The following HDAC3 variants were observed in gnomAD, a reference collection of about 807,000 sequenced individuals.
HDAC3 encodes the protein histone deacetylase 3.
In HDAC3, 21 loss-of-function variants were observed where a neutral mutation model predicts 62.3. The ratio of observed to expected loss-of-function variants is 0.34; its 90% CI spans 0.24 to 0.49. HDAC3 has a LOEUF of 0.49. HDAC3 is among the 20% of genes least tolerant of loss of function. The pLI is 0.99. For synonymous variants in HDAC3, 198 were observed against 206.5 expected (o/e 0.96, Z 0.35); for missense variants, 270 against 556.9 (o/e 0.48, Z 5.19).
In HDAC3 at chr5:141,629,827, G is replaced by A; in HGVS notation, c.420+33C>T. 6.2e-7 allele frequency: 1 copy of A among 1,613,272 alleles called. No homozygotes were observed. The highest frequency in any genetic ancestry group is 8.5e-7 in the Non-Finnish European group (1 of 1,179,274). On this transcript the variant is annotated intron_variant, in intron 5 of 14. Coordinates refer to ENST00000305264, the MANE Select transcript of HDAC3 (RefSeq NM_003883.4). The surrounding 1 kb of genome is among the most constrained non-coding windows in gnomAD (Gnocchi z 5.3). ...TCATCCTAAACACCTACCCTAGGAT[G>A]GCCACTGTCTTTCCCATCACCTCCT...
chr5:141,626,311 G>A lies in HDAC3; in HGVS notation c.831-28C>T, dbSNP rs1208127462. The A allele has an allele frequency of 3.2e-6, 5 of 1,572,838 alleles. No homozygotes were observed. Among genetic ancestry groups the A allele is most frequent in the Non-Finnish European group, 4.4e-6 (5 of 1,143,104 alleles). On this transcript the variant is annotated intron_variant, in intron 10 of 14. Transcript: ENST00000305264. This position sits in a 1 kb window ranked among gnomAD's most constrained non-coding sequence, Gnocchi z 4.6. ...GTTAAAAGGAACCAGAGGAAGATGT[G>A]GAGGAGGTTATCAAAAGACAAGGTA...
At position 141,625,078 on chromosome 5, in the gene HDAC3, T is replaced by C; in HGVS notation, c.1217+130A>G. ...TCATTAAAAATAACAAAGAAAAGAGTGAGGAAATTGTAGCAGACTAAAGGA... is the reference window on the plus strand; with the variant it reads ...TCATTAAAAATAACAAAGAAAAGAGCGAGGAAATTGTAGCAGACTAAAGGA... On this transcript the variant is annotated intron_variant, in intron 14 of 14. Coordinates refer to ENST00000305264, the MANE Select transcript of HDAC3 (RefSeq NM_003883.4). This position sits in a 1 kb window ranked among gnomAD's most constrained non-coding sequence, Gnocchi z 4.0. 1.2e-6 allele frequency: 1 copy of C among 845,710 alleles called. No homozygotes were observed. The highest frequency in any genetic ancestry group is 1.8e-6 in the Non-Finnish European group (1 of 553,468). The allele number at this position is 845,710 out of a possible 1,614,324, so 52.4% of individuals were successfully genotyped here.
chr5:141,622,890 G>A (rs1476965956), intron 14 of HDAC3, among the ~76,000 whole-genome samples: 1 of 152,146 alleles, frequency 6.6e-6, no homozygotes, highest in African/African-American at 2.4e-5. Flanking sequence ...GGAGGCCGAG[G>A]CAGGCAGATC....
At chr5:141,622,395 A>C (rs1280461645) in intron 14 of HDAC3, among the ~76,000 whole-genome samples, 1 of 152,018 alleles carries the variant, frequency 6.6e-6, no homozygotes, top group Non-Finnish European at 1.5e-5. Context: ...CACAAGGTCA[A>C]GAGATCAAGA....
At position 141,636,804 on chromosome 5, in the gene HDAC3, G is replaced by C. The variant is rs200085660; in HGVS notation, c.-14C>G. The C allele has an allele frequency of 3.8e-6, 6 of 1,587,552 alleles. No homozygotes were observed. The highest frequency in any genetic ancestry group is 5.1e-6 in the Non-Finnish European group (6 of 1,166,610). On this transcript the variant is annotated 5_prime_UTR_variant, in exon 1 of 15. Coordinates refer to ENST00000305264, the MANE Select transcript of HDAC3 (RefSeq NM_003883.4). ...GGTCTTGGCCATGGTGCCGGCGGGA[G>C]CAGGCCCCGCACCTCCGCCGCCCGC...
intron 3 of HDAC3, among the ~76,000 whole-genome samples, chr5:141,631,833 T>C (rs2099905259): frequency 6.6e-6 from 1 of 152,170 alleles, no homozygotes; most frequent in African/African-American, 2.4e-5. Flanking sequence ...AGCTAATGGC[T>C]GTAAAGCACT....
In HDAC3 at chr5:141,626,784, G is replaced by A. The variant is rs184101415; in HGVS notation, c.831-501C>T. ...AACATATATATGTGTGTGTGTGTGT[G>A]TATATATATATATATACACACACAC... is the stretch of plus-strand genomic sequence containing the variant. On this transcript the variant is annotated intron_variant, in intron 10 of 14. Coordinates refer to ENST00000305264, the MANE Select transcript of HDAC3 (RefSeq NM_003883.4). The surrounding 1 kb of genome is among the most constrained non-coding windows in gnomAD (Gnocchi z 4.6). 0.011 allele frequency among the ~76,000 whole-genome samples: 1,467 copies of A among 129,762 alleles called. 31 individuals are homozygous for A. The highest frequency in any genetic ancestry group is 0.038 in the African/African-American group (1,323 of 35,124). 85.1% of individuals were successfully genotyped at this position (129,762 alleles called of 152,430 possible). A position where few individuals can be genotyped will look rare whatever the true frequency, so the allele number is the denominator to read the frequency against.
intron 3 of HDAC3, among the ~76,000 whole-genome samples, chr5:141,630,618 T>C (rs1208899288): frequency 6.6e-6 from 1 of 152,236 alleles, no homozygotes; most frequent in Non-Finnish European, 1.5e-5. Context: ...CTTTAATAAA[T>C]GTCAGCTATA....
At chr5:141,634,987 G>T in intron 2 of HDAC3, 34 bp from the exon 3 acceptor site, 4 of 1,608,536 alleles carry the variant, frequency 2.5e-6, no homozygotes, top group Non-Finnish European at 3.4e-6. Context: ...ACCCAGGCAG[G>T]GTCAGCCCCA....
rs1404432361 is a variant in HDAC3 at position 141,634,799 on chromosome 5, G to A, written c.281+12C>T. ...AAACTGTTAGACATCAAAACTCCCA[G>A]TCCTCCCTCACCAGTCATCGCCTAC... On this transcript the variant is annotated intron_variant, in intron 3 of 14. Coordinates refer to ENST00000305264, the MANE Select transcript of HDAC3 (RefSeq NM_003883.4). 6.2e-7 allele frequency: 1 copy of A among 1,611,912 alleles called. No individual in the cohort carries two copies. The highest frequency in any genetic ancestry group is 1.7e-5 in the Admixed American group (1 of 59,796).
At chr5:141,632,541 C>T (rs962334084) in intron 3 of HDAC3, among the ~76,000 whole-genome samples, 6 of 152,158 alleles carry the variant, frequency 3.9e-5, no homozygotes, top group African/African-American at 4.8e-5. Context: ...ATTCCCTAAT[C>T]GCACAAAGAG....
chr5:141,633,455 T>TAAAA (rs569084688), intron 3 of HDAC3, among the ~76,000 whole-genome samples: 261 of 152,246 alleles, frequency 1.7e-3, no homozygotes, highest in African/African-American at 6.1e-3. Context: ...AATAAAATAT[T>TAAAA]TATGGATAAA....
chr5:141,634,687 T>A, intron 3 of HDAC3, 124 bp downstream of exon 3: 1 of 941,564 alleles, frequency 1.1e-6, no homozygotes, highest in East Asian at 2.5e-5. Flanking sequence ...AATAAACAAA[T>A]AAAATGAATT....
intron 3 of HDAC3, among the ~76,000 whole-genome samples, chr5:141,632,020 AT>A (rs376573720): frequency 0.1 from 13,749 of 136,938 alleles, 692 homozygotes; most frequent in South Asian, 0.14. Context: ...GAGGTCTGGA[AT>A]TTTTTTTTTT....
At chr5:141,632,245 G>C (rs1299557236) in intron 3 of HDAC3, among the ~76,000 whole-genome samples, 1 of 152,262 alleles carries the variant, frequency 6.6e-6, no homozygotes, top group Non-Finnish European at 1.5e-5. Flanking sequence ...GGCTGGTCTT[G>C]AACTCCTGAC....
chr5:141,636,345 A>G, intron 2 of HDAC3: 1 of 606,266 alleles, frequency 1.6e-6, no homozygotes, highest in South Asian at 1.9e-5. Flanking sequence ...AGGGTGGCCG[A>G]CCTGAGGTGA....
In HDAC3 at chr5:141,628,443, A is replaced by C. The variant is rs1194691894; in HGVS notation, c.691+116T>G. ...TTCCAGAGATTCATGGTCCCTCTGA[A>C]GGCCATTCATCCTTAAGGACAACTG... On this transcript the variant is annotated intron_variant, in intron 8 of 14. Transcript: ENST00000305264. The surrounding 1 kb of genome is among the most constrained non-coding windows in gnomAD (Gnocchi z 4.7). 3.5e-6 allele frequency: 3 copies of C among 850,264 alleles called. No individual in the cohort carries two copies. Among genetic ancestry groups the C allele is most frequent in the African/African-American group, 3.4e-5 (2 of 59,028 alleles). 52.7% of individuals were successfully genotyped at this position (850,264 alleles called of 1,614,324 possible).
At chr5:141,633,417 T>C (rs1008142736) in intron 3 of HDAC3, among the ~76,000 whole-genome samples, 12 of 152,228 alleles carry the variant, frequency 7.9e-5, no homozygotes, top group East Asian at 1.9e-4. Flanking sequence ...ACTATGTTTT[T>C]TTAAAAGAGT....
At chr5:141,632,714 G>A (rs748780911) in intron 3 of HDAC3, among the ~76,000 whole-genome samples, 1 of 152,208 alleles carries the variant, frequency 6.6e-6, no homozygotes, top group South Asian at 2.1e-4. Flanking sequence ...GCAAGACAGA[G>A]CTCTATGGGC....
Sources: gnomAD v4.1 joint callset for allele counts (sites outside exome capture counted in the v4.1 genomes callset) on GRCh38, gnomAD v4.1.1 for gene constraint, Gnocchi (gnomAD v3.1) non-coding constraint, MANE v1.5 for transcripts, NCBI Gene and HGNC (gene_info 2026-07-23, HGNC 2026-07-21) for gene names.